Variants in TSNAXIP1 observed in about 807,000 individuals in gnomAD.
TSNAXIP1 encodes the protein translin-associated factor X-interacting protein 1.
TSNAXIP1 carries 89 observed loss-of-function variants against 84.8 expected under a neutral mutation model. The observed-to-expected ratio is 1.05, with a 90% CI of 0.88 to 1.25. The LOEUF is 1.25. Among genes scored for constraint, TSNAXIP1 ranks in the 50% most tolerant of loss-of-function variants. The probability of loss-of-function intolerance (pLI) is 0.00; values close to 1 mark genes in which losing one functional copy is unlikely to be tolerated. For missense variants in TSNAXIP1, 874 were observed against 887.6 expected, an observed-to-expected ratio of 0.98 and a Z score of 0.20; for synonymous variants, 347 against 335.2, an observed-to-expected ratio of 1.04 and a Z score of -0.39.
intron 1 of TSNAXIP1, among the ~76,000 whole-genome samples, chr16:67,812,491 C>T (rs1244528640): frequency 1.4e-5 from 2 of 147,856 alleles, no homozygotes. Flanking sequence ...CATGGTGAAA[C>T]TCTATCTCTA....
In TSNAXIP1 at chr16:67,806,905, T is replaced by G; in HGVS notation, c.-245T>G. 1 of 619,880 alleles carries G rather than the reference T, an allele frequency of 1.6e-6. No homozygotes were observed. The highest frequency in any genetic ancestry group is 2.8e-6 in the Non-Finnish European group (1 of 357,024). 38.4% of individuals were successfully genotyped at this position (619,880 alleles called of 1,614,324 possible). Reference sequence around the variant, plus strand: ...CCTCTGTTCATCCCCCTGCCTCAGTTCTGGTACCTGGGGTCAAATCGGCTG... The same window carrying G: ...CCTCTGTTCATCCCCCTGCCTCAGTGCTGGTACCTGGGGTCAAATCGGCTG... On this transcript the variant is annotated 5_prime_UTR_variant, in exon 1 of 16. Coordinates refer to ENST00000561639, the MANE Select transcript of TSNAXIP1 (RefSeq NM_001288990.3).
intron 2 of TSNAXIP1, among the ~76,000 whole-genome samples, chr16:67,815,076 G>C (rs750962095): frequency 6.6e-6 from 1 of 151,726 alleles, no homozygotes; most frequent in Non-Finnish European, 1.5e-5. Context: ...CCAGTACTCT[G>C]GGAGGCCGAG....
At position 67,820,891 on chromosome 16, in the gene TSNAXIP1, G is replaced by A. The variant is rs1327398806; in HGVS notation, c.200G>A (p.Ser67Asn). 1 of 1,602,852 alleles carries A rather than the reference G, an allele frequency of 6.2e-7. No homozygotes were observed. Among genetic ancestry groups the A allele is most frequent in the African/African-American group, 1.3e-5 (1 of 74,764 alleles). Residue 67 changes from serine (S) to asparagine (N), a missense_variant, in exon 3 of 16, where the codon AGT (serine) becomes AAT (asparagine). Ser to Asn is a conservative substitution (Grantham distance 46). Transcript: ENST00000561639. ...GHLSPWPTYTSGQTILQNRKP... is the reference protein window; with the variant it reads ...GHLSPWPTYTNGQTILQNRKP... ...CTGTCCCCATGGCCCACATACACCA[G>A]TGGCCAGACCATTTTGCAAAATCGA...
chr16:67,825,297 TTC>T (rs1567771095), intron 7 of TSNAXIP1, 25 bp downstream of exon 7: 2 of 1,612,922 alleles, frequency 1.2e-6, no homozygotes, highest in East Asian at 4.5e-5. Context: ...GGAATCGGGT[TTC>T]TCTCTTCTCT....
At chr16:67,814,934 C>T (rs1030514524) in intron 2 of TSNAXIP1, among the ~76,000 whole-genome samples, 12 of 152,194 alleles carry the variant, frequency 7.9e-5, no homozygotes, top group South Asian at 2.1e-4. Flanking sequence ...ATGTTCACTC[C>T]GGATCTCTCC....
At chr16:67,819,337 G>A (rs899983257) in intron 2 of TSNAXIP1, among the ~76,000 whole-genome samples, 28 of 147,558 alleles carry the variant, frequency 1.9e-4, no homozygotes, top group Non-Finnish European at 3.3e-4. Flanking sequence ...TCTGCCTCCC[G>A]AGTTCAAGCG....
Position 67,806,993 on chromosome 16 carries a change from C to T in TSNAXIP1, c.-157C>T, listed in dbSNP as rs1452052679. ...AGTCCACCTTTGCTACTTTGTCCTA[C>T]TCCCAGCCCGCGGGCGCTAGGCTCG... On this transcript the variant is annotated 5_prime_UTR_variant, in exon 1 of 16. Coordinates refer to ENST00000561639, the MANE Select transcript of TSNAXIP1 (RefSeq NM_001288990.3). 11 of 1,255,614 alleles carry T rather than the reference C, an allele frequency of 8.8e-6. No homozygotes were observed. The highest frequency in any genetic ancestry group is 1.5e-5 in the African/African-American group (1 of 65,810). The allele number at this position is 1,255,614 out of a possible 1,614,324, so 77.8% of individuals were successfully genotyped here.
chr16:67,808,794 G>A (rs2055743901), intron 1 of TSNAXIP1, among the ~76,000 whole-genome samples: 1 of 151,996 alleles, frequency 6.6e-6, no homozygotes, highest in Middle Eastern at 3.2e-3. Context: ...GAGAGAGAAA[G>A]AGAATTGTTA....
At chr16:67,813,272 A>G (rs1268367423) in intron 1 of TSNAXIP1, among the ~76,000 whole-genome samples, 2 of 151,878 alleles carry the variant, frequency 1.3e-5, no homozygotes, top group African/African-American at 4.8e-5. Flanking sequence ...CTGTAGTCCC[A>G]GCTACTCAGG....
At chr16:67,812,809 C>G (rs1280728633) in intron 1 of TSNAXIP1, among the ~76,000 whole-genome samples, 1 of 152,062 alleles carries the variant, frequency 6.6e-6, no homozygotes, top group African/African-American at 2.4e-5. Context: ...CAAAGTCTCA[C>G]TATGTTGCTC....
chr16:67,808,341 C>A (rs1567730930), intron 1 of TSNAXIP1, among the ~76,000 whole-genome samples: 1 of 152,152 alleles, frequency 6.6e-6, no homozygotes, highest in Non-Finnish European at 1.5e-5. Context: ...CTTTGGGAGG[C>A]CGAGGCGGGG....
At chr16:67,825,566 G>A in intron 7 of TSNAXIP1, 101 bp from the exon 8 acceptor site, 1 of 1,465,072 alleles carries the variant, frequency 6.8e-7, no homozygotes, top group Non-Finnish European at 9.2e-7. Flanking sequence ...GTAGTGCTGT[G>A]GGCAAGAACC....
intron 1 of TSNAXIP1, among the ~76,000 whole-genome samples, chr16:67,810,514 G>A (rs1326556367): frequency 6.6e-6 from 1 of 151,880 alleles, no homozygotes; most frequent in African/African-American, 2.4e-5. Context: ...AGCTACTTGG[G>A]AGGCAGAGGC....
chr16:67,808,221 A>AC, intron 1 of TSNAXIP1, among the ~76,000 whole-genome samples: 2 of 151,710 alleles, frequency 1.3e-5, no homozygotes, highest in South Asian at 2.1e-4. Context: ...AAAAAAAAAA[A>AC]CACCACCCAA....
At chr16:67,826,876 T>C (rs760276815) in intron 12 of TSNAXIP1, 32 bp downstream of exon 12, 102 of 1,611,706 alleles carry the variant, frequency 6.3e-5, no homozygotes, top group Non-Finnish European at 8.4e-5. Context: ...TTGGGGAGAC[T>C]GAGAGGGGTC....
At chr16:67,807,369 T>C (rs1299248027) in intron 1 of TSNAXIP1, 173 bp downstream of exon 1, 12 of 1,531,936 alleles carry the variant, frequency 7.8e-6, no homozygotes, top group Non-Finnish European at 1.0e-5. Context: ...GTGAAGACGT[T>C]ACGTGCTAGC....
In TSNAXIP1 at chr16:67,826,261, GAA is replaced by G. The variant is rs1261748348; in HGVS notation, c.1256_1257del (p.Lys419ArgfsTer19). On this transcript the variant is annotated frameshift_variant, in exon 10 of 16. Coordinates refer to ENST00000561639, the MANE Select transcript of TSNAXIP1 (RefSeq NM_001288990.3). LOFTEE classifies it high-confidence loss of function. ...AGATTGGTTCGGGGCTGCTGCGGGA[GAA>G]AGACTTCTTCCCTGGTCTGGTAGGG... ...EEIGSGLLRE[K>X]DFFPGLGYGE... 2.5e-6 allele frequency: 4 copies of G among 1,581,382 alleles called. No individual in the cohort carries two copies. Among genetic ancestry groups the G allele is most frequent in the African/African-American group, 2.7e-5 (2 of 74,296 alleles).
chr16:67,814,213 G>A (rs564031304), intron 1 of TSNAXIP1, 89 bp from the exon 2 acceptor site: 53 of 1,065,670 alleles, frequency 5.0e-5, no homozygotes, highest in East Asian at 4.2e-4. Flanking sequence ...TCAGGGAGAC[G>A]GCTATGCCTT....
chr16:67,812,621 A>G (rs568304143), intron 1 of TSNAXIP1, among the ~76,000 whole-genome samples: 1 of 150,364 alleles, frequency 6.7e-6, no homozygotes, highest in East Asian at 2.0e-4. Context: ...AGCCGAGATC[A>G]TGCCATTGCA....
Sources: allele counts gnomAD v4.1 joint callset (sites outside exome capture counted in the v4.1 genomes callset), GRCh38; gene constraint gnomAD v4.1.1; transcripts MANE v1.5; gene names NCBI Gene and HGNC (gene_info 2026-07-23, HGNC 2026-07-21).